Variants in PHACTR1 observed in about 807,000 individuals in gnomAD.
PHACTR1 encodes RPEL repeat containing 1.
A neutral mutation model predicts 69.2 loss-of-function variants in PHACTR1; 16 were observed. The ratio of observed to expected loss-of-function variants is 0.23; its 90% CI spans 0.16 to 0.35. The LOEUF (loss-of-function observed/expected upper bound fraction) is 0.35, where lower values mean the gene tolerates loss of function less well. PHACTR1 is among the 10% of genes least tolerant of loss of function. PHACTR1 has a pLI of 1.00. For synonymous variants in PHACTR1, 312 were observed against 284.5 expected (o/e 1.10, Z -0.97); for missense variants, 510 against 734.7 (o/e 0.69, Z 3.54).
chr6:12,817,692 A>C (rs1346011652), intron 4 of PHACTR1, among the ~76,000 whole-genome samples: 1 of 152,230 alleles, frequency 6.6e-6, no homozygotes, highest in Non-Finnish European at 1.5e-5. Context: ...CTTTTCAAAC[A>C]GTAAGGTGGA....
chr6:13,128,692 G>A (rs537097510), intron 5 of PHACTR1, among the ~76,000 whole-genome samples: 1 of 152,064 alleles, frequency 6.6e-6, no homozygotes, highest in Admixed American at 6.5e-5. Flanking sequence ...CATTCCCTGA[G>A]GAAGAAGAGA....
At chr6:12,909,974 C>A (rs1410359127) in intron 4 of PHACTR1, among the ~76,000 whole-genome samples, 1 of 152,228 alleles carries the variant, frequency 6.6e-6, no homozygotes, top group Non-Finnish European at 1.5e-5. Context: ...TCTGTCCAGC[C>A]CTGCCCTGGC....
chr6:13,218,062 G>A (rs553729331), intron 8 of PHACTR1, among the ~76,000 whole-genome samples: 1 of 152,262 alleles, frequency 6.6e-6, no homozygotes, highest in East Asian at 1.9e-4. Flanking sequence ...CCTTTGAGGA[G>A]ATTAATGTCT....
intron 4 of PHACTR1, among the ~76,000 whole-genome samples, chr6:12,757,494 G>T (rs1014900051): frequency 6.6e-6 from 1 of 152,138 alleles, no homozygotes; most frequent in Non-Finnish European, 1.5e-5. Context: ...GGGCTGTTGA[G>T]TTCAGAACAG....
chr6:13,154,967 C>T (rs541146301), intron 5 of PHACTR1, among the ~76,000 whole-genome samples: 24 of 152,194 alleles, frequency 1.6e-4, no homozygotes, highest in African/African-American at 5.1e-4. Context: ...CCCCATTTCC[C>T]GCTGTGTTTT....
In PHACTR1 at chr6:12,881,867, T is replaced by TCCAA. The variant is rs1166320047; in HGVS notation, c.250+132080_250+132083dup. Among the ~76,000 whole-genome samples, 4 of 152,216 alleles carry TCCAA rather than the reference T, an allele frequency of 2.6e-5. No homozygotes were observed. The East Asian group carries it at 7.7e-4, about 29-fold the overall frequency. On this transcript the variant is annotated intron_variant, in intron 4 of 14. Coordinates refer to ENST00000332995, the MANE Select transcript of PHACTR1 (RefSeq NM_030948.6). ...GAGAAAGAAGGGCAAAAGGTCAGGATCCAACCCCTTGGAAATCTCCACGAT... is the reference window on the plus strand; with the variant it reads ...GAGAAAGAAGGGCAAAAGGTCAGGATCCAACCAACCCCTTGGAAATCTCCACGAT...
At chr6:12,954,619 CTGG>C (rs1791664154) in intron 4 of PHACTR1, among the ~76,000 whole-genome samples, 1 of 152,086 alleles carries the variant, frequency 6.6e-6, no homozygotes, top group African/African-American at 2.4e-5. Flanking sequence ...GCTTGGGCAA[CTGG>C]GGCAACACAA....
intron 3 of PHACTR1, among the ~76,000 whole-genome samples, chr6:12,733,311 G>C (rs111722851): frequency 1.3e-5 from 2 of 152,168 alleles, no homozygotes; most frequent in African/African-American, 4.8e-5. Flanking sequence ...AGCAAACACT[G>C]TTTATTAAAT....
chr6:12,784,569 A>G (rs1458470453), intron 4 of PHACTR1, among the ~76,000 whole-genome samples: 1 of 151,412 alleles, frequency 6.6e-6, no homozygotes, highest in Non-Finnish European at 1.5e-5. Context: ...ATACACATAT[A>G]CATGATATAT....
At chr6:13,032,622 AT>A (rs199702696) in intron 4 of PHACTR1, among the ~76,000 whole-genome samples, 265 of 146,246 alleles carry the variant, frequency 1.8e-3, no homozygotes, top group Middle Eastern at 3.5e-3. Context: ...GTTATGAAAG[AT>A]TTTTTTTTTT....
intron 4 of PHACTR1, among the ~76,000 whole-genome samples, chr6:12,760,930 T>A (rs534174883): frequency 1.3e-5 from 2 of 152,224 alleles, no homozygotes; most frequent in South Asian, 4.2e-4. Flanking sequence ...TGAAACTCCA[T>A]CTCAAAACAA....
chr6:12,807,377 C>T (rs1177203675), intron 4 of PHACTR1, among the ~76,000 whole-genome samples: 2 of 152,088 alleles, frequency 1.3e-5, no homozygotes, highest in East Asian at 3.8e-4. Flanking sequence ...CCGCAACAGG[C>T]TGATGGCATT....
At chr6:12,867,119 G>A (rs1298204330) in intron 4 of PHACTR1, among the ~76,000 whole-genome samples, 2 of 152,106 alleles carry the variant, frequency 1.3e-5, no homozygotes, top group African/African-American at 4.8e-5. Flanking sequence ...GCGAAGGGGG[G>A]TTTGCAACAT....
At chr6:13,204,727 C>G (rs1010287584) in intron 7 of PHACTR1, among the ~76,000 whole-genome samples, 3 of 152,232 alleles carry the variant, frequency 2.0e-5, no homozygotes, top group Admixed American at 1.3e-4. Context: ...CACTCTCACT[C>G]CTGCCCCACT....
chr6:12,787,671 G>C (rs564302460), intron 4 of PHACTR1, among the ~76,000 whole-genome samples: 1 of 152,328 alleles, frequency 6.6e-6, no homozygotes, highest in Admixed American at 6.5e-5. Flanking sequence ...AAGCTGGTGT[G>C]CTGACCCAAC....
intron 4 of PHACTR1, among the ~76,000 whole-genome samples, chr6:12,849,526 A>G (rs1267963855): frequency 1.3e-5 from 2 of 152,208 alleles, no homozygotes; most frequent in African/African-American, 4.8e-5. Flanking sequence ...GGTAGTGGAC[A>G]GGCTGAGCAT....
At chr6:12,989,273 C>A (rs746118793) in intron 4 of PHACTR1, among the ~76,000 whole-genome samples, 2 of 152,154 alleles carry the variant, frequency 1.3e-5, no homozygotes, top group Non-Finnish European at 1.5e-5. Flanking sequence ...TCCACAGAGT[C>A]TCAAAGTCTA....
chr6:12,937,606 T>C (rs1267848615), intron 4 of PHACTR1, among the ~76,000 whole-genome samples: 2 of 152,014 alleles, frequency 1.3e-5, no homozygotes, highest in Non-Finnish European at 2.9e-5. Flanking sequence ...GTAAGAGTTA[T>C]GAAGAAAGAT....
chr6:13,084,388 G>T (rs1325250806), intron 5 of PHACTR1, among the ~76,000 whole-genome samples: 9 of 120,524 alleles, frequency 7.5e-5, no homozygotes, highest in Non-Finnish European at 1.0e-4. Flanking sequence ...TGGGGGGAGG[G>T]GGGAGGGATA....
Sources: allele counts gnomAD v4.1 joint callset (sites outside exome capture counted in the v4.1 genomes callset), GRCh38; gene constraint gnomAD v4.1.1; transcripts MANE v1.5; gene names NCBI Gene and HGNC (gene_info 2026-07-23, HGNC 2026-07-21).